EXOC4: variants seen among roughly 807,000 people sequenced by gnomAD.
EXOC4 encodes the protein exocyst complex component 4, also known as SEC8-like 1.
Under a neutral mutation model 107.2 loss-of-function variants are expected in EXOC4, and 71 were observed. That is an observed-to-expected ratio of 0.66 (90% confidence interval 0.55 to 0.81). EXOC4 has a LOEUF of 0.81. EXOC4 is among the 30% of genes least tolerant of loss of function. The probability of loss-of-function intolerance (pLI) is 0.00; values close to 1 mark genes in which losing one functional copy is unlikely to be tolerated. For synonymous variants in EXOC4, 456 were observed against 441.2 expected, an observed-to-expected ratio of 1.03 and a Z score of -0.42; for missense variants, 1,108 against 1,189.6, an observed-to-expected ratio of 0.93 and a Z score of 1.01.
rs570191712 is a variant in EXOC4, at chr7:133,293,507, A to G, written c.471+4391A>G. Among the ~76,000 whole-genome samples the G allele has an allele frequency of 3.7e-4, 56 of 152,318 alleles. 1 individual carries two copies. Among genetic ancestry groups the G allele is most frequent in the African/African-American group, 1.3e-3 (54 of 41,580 alleles). ...CAGAAGATTTTGCATTTCTATTTTA[A>G]GGCAGATGCAGATGCTTAGTAATTT... On this transcript the variant is annotated intron_variant, in intron 3 of 17. Coordinates refer to ENST00000253861, the MANE Select transcript of EXOC4 (RefSeq NM_021807.4).
intron 17 of EXOC4, among the ~76,000 whole-genome samples, chr7:134,043,298 A>G (rs968849066): frequency 6.6e-6 from 1 of 152,044 alleles, no homozygotes; most frequent in Non-Finnish European, 1.5e-5. Context: ...GCAGATAATT[A>G]TTTTCTTAAT....
intron 10 of EXOC4, among the ~76,000 whole-genome samples, chr7:133,776,800 T>C (rs940241102): frequency 6.6e-6 from 1 of 152,182 alleles, no homozygotes; most frequent in Non-Finnish European, 1.5e-5. Flanking sequence ...TAACAAAGTA[T>C]GATTCTCTGT....
the EXOC4 span, among the ~76,000 whole-genome samples, chr7:134,087,023 A>C: frequency 1.3e-5 from 2 of 152,216 alleles, no homozygotes; most frequent in African/African-American, 4.8e-5. Context: ...TCTTTACTGC[A>C]AACTGTTTTA....
intron 11 of EXOC4, among the ~76,000 whole-genome samples, chr7:133,845,982 A>G (rs1282296303): frequency 1.3e-5 from 2 of 152,186 alleles, no homozygotes; most frequent in Non-Finnish European, 2.9e-5. Context: ...AGACTTTGCA[A>G]TGAATTCTGT....
chr7:133,916,852 A>T (rs1799820316), intron 12 of EXOC4, among the ~76,000 whole-genome samples: 1 of 152,192 alleles, frequency 6.6e-6, no homozygotes. Flanking sequence ...TTACAGTGAC[A>T]CATGTTGAAC....
chr7:133,356,577 G>T lies in EXOC4; in HGVS notation c.1007+4G>T. 6.2e-7 allele frequency: 1 copy of T among 1,613,648 alleles called. No homozygotes were observed. The highest frequency in any genetic ancestry group is 1.1e-5 in the South Asian group (1 of 91,034). On this transcript the variant is annotated splice_donor_region_variant and intron_variant, in intron 6 of 17. Transcript: ENST00000253861. ...TTACTGTGGAGAACCAACCAAGGTA[G>T]GTGGGAGTGTATTTTGTATTTTTGA...
intron 11 of EXOC4, among the ~76,000 whole-genome samples, chr7:133,852,363 C>T (rs1041762738): frequency 1.3e-5 from 2 of 151,972 alleles, no homozygotes; most frequent in African/African-American, 4.8e-5. Context: ...GCTGGGATTA[C>T]ATATATAGGT....
At chr7:133,508,778 A>C (rs1584966293) in intron 9 of EXOC4, among the ~76,000 whole-genome samples, 1 of 152,314 alleles carries the variant, frequency 6.6e-6, no homozygotes, top group East Asian at 1.9e-4. Flanking sequence ...AGTAGCTTCC[A>C]AACTGTTACT....
At chr7:133,972,888 G>T (rs1272629260) in intron 14 of EXOC4, among the ~76,000 whole-genome samples, 1 of 152,142 alleles carries the variant, frequency 6.6e-6, no homozygotes, top group East Asian at 1.9e-4. Context: ...ATCTTCTCCA[G>T]TAGGCATCCC....
chr7:133,516,772 T>TTTTTTTTTTTTTTTTTTTTTC (rs71188898), intron 9 of EXOC4, among the ~76,000 whole-genome samples: 8 of 146,214 alleles, frequency 5.5e-5, no homozygotes, highest in Non-Finnish European at 9.0e-5. Context: ...TTTTTTTTTT[T>TTTTTTTTTTTTTTTTTTTTTC]ACAGAATTTA....
chr7:133,675,196 A>G (rs1354207384), intron 10 of EXOC4, among the ~76,000 whole-genome samples: 1 of 151,954 alleles, frequency 6.6e-6, no homozygotes, highest in Non-Finnish European at 1.5e-5. Context: ...TTGCTTCAAA[A>G]TCTCTTCTCT....
intron 14 of EXOC4, among the ~76,000 whole-genome samples, chr7:133,972,390 G>A (rs1233870333): frequency 6.6e-6 from 1 of 152,112 alleles, no homozygotes; most frequent in Non-Finnish European, 1.5e-5. Context: ...GTCATCTGAA[G>A]TACAAAGCAA....
chr7:133,718,686 A>T (rs2151103803), intron 10 of EXOC4, among the ~76,000 whole-genome samples: 1 of 152,186 alleles, frequency 6.6e-6, no homozygotes, highest in Middle Eastern at 3.4e-3. Context: ...TGAAGTTGGG[A>T]TAGTAATAGT....
rs572142490 is a variant in EXOC4 at position 133,631,831 on chromosome 7, G to C, written c.1514+1690G>C. Among the ~76,000 whole-genome samples the C allele has an allele frequency of 2.0e-5, 3 of 152,038 alleles. No homozygotes were observed. In the South Asian group the frequency reaches 6.2e-4, roughly 32 times the overall value. ...TTCAATTACAATTGATTTCTACTTA[G>C]GTAATGTTGCTAATTGTTAGAAATT... On this transcript the variant is annotated intron_variant, in intron 10 of 17. Transcript: ENST00000253861.
intron 10 of EXOC4, among the ~76,000 whole-genome samples, chr7:133,663,386 C>T (rs992042033): frequency 3.9e-5 from 6 of 152,028 alleles, no homozygotes; most frequent in African/African-American, 1.4e-4. Context: ...CTTTTAATAC[C>T]GTCTCAAGCT....
At chr7:133,499,891 G>A (rs933819745) in intron 9 of EXOC4, among the ~76,000 whole-genome samples, 8 of 152,098 alleles carry the variant, frequency 5.3e-5, no homozygotes, top group African/African-American at 1.9e-4. Flanking sequence ...AGAACTGTGA[G>A]CCAGTTAAAC....
intron 10 of EXOC4, among the ~76,000 whole-genome samples, chr7:133,775,480 C>T (rs1266456598): frequency 6.6e-6 from 1 of 152,158 alleles, no homozygotes; most frequent in Admixed American, 6.5e-5. Context: ...ATATTCTTGT[C>T]TTTTAGTTTA....
At chr7:134,034,365 T>C (rs12531713) in intron 17 of EXOC4, among the ~76,000 whole-genome samples, 30,013 of 152,174 alleles carry the variant, frequency 0.2, 3,048 homozygotes, top group South Asian at 0.28. Context: ...AGAAGCACCC[T>C]CTTTGAGAGG....
chr7:133,755,813 C>T (rs1016149826), intron 10 of EXOC4, among the ~76,000 whole-genome samples: 6 of 152,106 alleles, frequency 3.9e-5, no homozygotes, highest in Non-Finnish European at 7.4e-5. Context: ...CCAAGATATT[C>T]CTGTTTTTAA....
Sources: gnomAD v4.1 joint callset for allele counts (sites outside exome capture counted in the v4.1 genomes callset) on GRCh38, gnomAD v4.1.1 for gene constraint, MANE v1.5 for transcripts, NCBI Gene and HGNC (gene_info 2026-07-23, HGNC 2026-07-21) for gene names.